DEPDC5: variants seen among roughly 807,000 people sequenced by gnomAD.
DEPDC5 encodes the protein GATOR1 complex protein DEPDC5.
DEPDC5 carries 73 observed loss-of-function variants against 217.3 expected under a neutral mutation model. That is an observed-to-expected ratio of 0.34 (90% CI 0.28 to 0.41). The LOEUF (loss-of-function observed/expected upper bound fraction) is 0.41. DEPDC5 is among the 10% of genes least tolerant of loss of function. The pLI, the probability that DEPDC5 is intolerant of heterozygous loss-of-function variation, is 1.00. For synonymous variants in DEPDC5, 733 were observed against 756.7 expected (o/e 0.97, Z 0.51); for missense variants, 1,675 against 2,070.1 (o/e 0.81, Z 3.70).
intron 33 of DEPDC5, among the ~76,000 whole-genome samples, chr22:31,868,895 A>G (rs777798794): frequency 9.2e-5 from 14 of 152,110 alleles, no homozygotes; most frequent in Non-Finnish European, 1.5e-4. Context: ...TCTGGGTATA[A>G]TCTTTGATGC....
chr22:31,855,380 C>CT (rs56923919), intron 31 of DEPDC5, among the ~76,000 whole-genome samples: 25,159 of 137,108 alleles, frequency 0.18, 2,210 homozygotes, highest in Admixed American at 0.21. Flanking sequence ...CAAAATATTT[C>CT]TTTTTTTTTT....
chr22:31,833,871 C>G (rs1293153649), intron 24 of DEPDC5, 44 bp from the exon 25 acceptor site: 1 of 1,455,020 alleles, frequency 6.9e-7, no homozygotes, highest in East Asian at 2.3e-5. Flanking sequence ...AACTCTTTTG[C>G]AGAGTGAGCC....
At chr22:31,778,273 A>G in intron 8 of DEPDC5, 105 bp downstream of exon 8, 1 of 1,137,478 alleles carries the variant, frequency 8.8e-7, no homozygotes. Flanking sequence ...CAAGGTGGGC[A>G]GATTGCTTTA....
chr22:31,902,620 A>G (rs1412397985), intron 41 of DEPDC5, among the ~76,000 whole-genome samples: 1 of 151,894 alleles, frequency 6.6e-6, no homozygotes, highest in East Asian at 1.9e-4. Flanking sequence ...GGTGGTGCAG[A>G]TTCAGGGCAG....
intron 24 of DEPDC5, among the ~76,000 whole-genome samples, chr22:31,833,328 A>C (rs1390296434): frequency 6.6e-6 from 1 of 152,216 alleles, no homozygotes; most frequent in Non-Finnish European, 1.5e-5. Context: ...TTTTCCTTTC[A>C]GCCCAGTTAT....
chr22:31,893,466 G>A, intron 38 of DEPDC5, 116 bp from the exon 39 acceptor site: 1 of 1,006,346 alleles, frequency 9.9e-7, no homozygotes, highest in Non-Finnish European at 1.3e-6. Context: ...TCTGGAATCT[G>A]CAGTTTTCTT....
intron 13 of DEPDC5, among the ~76,000 whole-genome samples, 164 bp from the exon 14 acceptor site, chr22:31,798,418 T>C (rs1326803914): frequency 1.3e-5 from 2 of 152,098 alleles, no homozygotes; most frequent in Non-Finnish European, 2.9e-5. Context: ...CTCGGGAGGC[T>C]GAGGCAGGAG....
At chr22:31,827,256 C>T (rs745636359) in intron 24 of DEPDC5, among the ~76,000 whole-genome samples, 8 of 152,286 alleles carry the variant, frequency 5.3e-5, no homozygotes, top group Non-Finnish European at 7.3e-5. Context: ...GGGAACTGAA[C>T]TCCCATCTTT....
rs2093763787 is a variant in DEPDC5 at position 31,906,587 on chromosome 22, G to A, written c.*90G>A. Reference sequence around the variant, plus strand: ...ATTCCAGGCAGGCTCTAGGAGTCAGGTGTCCGTTTGCTGCTATCAGTGAGT... The same window carrying A: ...ATTCCAGGCAGGCTCTAGGAGTCAGATGTCCGTTTGCTGCTATCAGTGAGT... On this transcript the variant is annotated 3_prime_UTR_variant, in exon 43 of 43. Coordinates refer to ENST00000651528, the MANE Select transcript of DEPDC5 (RefSeq NM_001242896.3). The surrounding 1 kb of genome is among the most constrained non-coding windows in gnomAD (Gnocchi z 5.1). 3 of 1,499,206 alleles carry A rather than the reference G, an allele frequency of 2.0e-6. No individual in the cohort carries two copies. Among genetic ancestry groups the A allele is most frequent in the East Asian group, 2.3e-5 (1 of 44,172 alleles). 92.9% of individuals were successfully genotyped at this position (1,499,206 alleles called of 1,614,324 possible). A position where few individuals can be genotyped will look rare whatever the true frequency, so the allele number is the denominator to read the frequency against.
chr22:31,783,410 A>G (rs976173642), intron 8 of DEPDC5, among the ~76,000 whole-genome samples: 1 of 152,170 alleles, frequency 6.6e-6, no homozygotes, highest in Non-Finnish European at 1.5e-5. Flanking sequence ...ACCCACCTGA[A>G]GGAACCACCT....
chr22:31,755,144 C>T (rs1698678538), intron 2 of DEPDC5, 165 bp downstream of exon 2: 6 of 678,686 alleles, frequency 8.8e-6, no homozygotes, highest in African/African-American at 1.8e-5. Flanking sequence ...GATGGCAGGA[C>T]CCTTCTAATG....
At chr22:31,882,353 C>CG (rs1475780041) in intron 38 of DEPDC5, among the ~76,000 whole-genome samples, 1 of 152,134 alleles carries the variant, frequency 6.6e-6, no homozygotes, top group Admixed American at 6.6e-5. Flanking sequence ...CCACTCCCCT[C>CG]GGGGTTACTT....
intron 38 of DEPDC5, among the ~76,000 whole-genome samples, chr22:31,882,845 A>G (rs983811268): frequency 1.3e-5 from 2 of 151,896 alleles, no homozygotes; most frequent in African/African-American, 4.8e-5. Context: ...GCTGTTCTCA[A>G]ACTCCTGGGT....
chr22:31,787,198 G>T (rs1157925076), intron 10 of DEPDC5, among the ~76,000 whole-genome samples: 1 of 151,838 alleles, frequency 6.6e-6, no homozygotes, highest in Non-Finnish European at 1.5e-5. Flanking sequence ...TGATTCTCCT[G>T]CCTTAGCCTT....
At chr22:31,879,821 C>A in intron 38 of DEPDC5, 69 bp downstream of exon 38, 2 of 1,425,646 alleles carry the variant, frequency 1.4e-6, no homozygotes, top group Non-Finnish European at 1.9e-6. Context: ...AGTGGCCAGC[C>A]AAGGGAACGA....
chr22:31,878,731 T>G (rs2093075530), intron 37 of DEPDC5, among the ~76,000 whole-genome samples: 1 of 151,576 alleles, frequency 6.6e-6, no homozygotes, highest in African/African-American at 2.4e-5. Context: ...AAAAAAGAAA[T>G]AAACTGAGCA....
intron 41 of DEPDC5, among the ~76,000 whole-genome samples, chr22:31,904,825 AC>A (rs1338808983): frequency 2.0e-5 from 3 of 152,216 alleles, no homozygotes; most frequent in African/African-American, 7.2e-5. Context: ...ATAGTAGCCT[AC>A]CCATTTAGTT....
At chr22:31,820,166 C>T (rs905247265) in intron 22 of DEPDC5, among the ~76,000 whole-genome samples, 2 of 152,072 alleles carry the variant, frequency 1.3e-5, no homozygotes, top group Non-Finnish European at 2.9e-5. Context: ...GGCTGGAGTA[C>T]AGTGGCGTGA....
intron 10 of DEPDC5, among the ~76,000 whole-genome samples, chr22:31,790,906 C>T (rs2085558185): frequency 6.6e-6 from 1 of 151,974 alleles, no homozygotes; most frequent in South Asian, 2.1e-4. Context: ...GCCACATTGC[C>T]TGGGTAATTT....
Sources: allele counts gnomAD v4.1 joint callset (sites outside exome capture counted in the v4.1 genomes callset), GRCh38; gene constraint gnomAD v4.1.1; non-coding constraint Gnocchi (gnomAD v3.1); transcripts MANE v1.5; gene names NCBI Gene and HGNC (gene_info 2026-07-23, HGNC 2026-07-21).